LOC128092253: variants seen among roughly 807,000 people sequenced by gnomAD.
At chr6:133,962,688 T>G in the LOC128092253 span, among the ~76,000 whole-genome samples, 235 of 152,324 alleles carry the variant, frequency 1.5e-3, 1 homozygote, top group African/African-American at 5.5e-3. Context: ...AGATAGCAAC[T>G]GAGGCCTGAA....
chr6:133,965,102 G>A, the LOC128092253 span, among the ~76,000 whole-genome samples: 1 of 152,096 alleles, frequency 6.6e-6, no homozygotes, highest in Admixed American at 6.6e-5. Context: ...AGCTACCCTA[G>A]TGAATTAACA....
chr6:133,973,790 T>C, the LOC128092253 span, among the ~76,000 whole-genome samples: 2 of 152,156 alleles, frequency 1.3e-5, no homozygotes, highest in Non-Finnish European at 2.9e-5. Context: ...TTTGCTTTTT[T>C]TATGAGAAGA....
At chr6:133,955,538 G>A in the LOC128092253 span, among the ~76,000 whole-genome samples, 2 of 152,078 alleles carry the variant, frequency 1.3e-5, no homozygotes, top group South Asian at 4.2e-4. Context: ...GAAAATTGGA[G>A]TGGTCATGTT....
At chr6:133,966,666 C>G in the LOC128092253 span, among the ~76,000 whole-genome samples, 7 of 152,278 alleles carry the variant, frequency 4.6e-5, no homozygotes, top group South Asian at 1.4e-3. Flanking sequence ...GCCCTTTCTC[C>G]AGTGTTTCCT....
the LOC128092253 span, among the ~76,000 whole-genome samples, chr6:133,962,079 A>G: frequency 2.0e-5 from 3 of 152,274 alleles, no homozygotes; most frequent in African/African-American, 4.8e-5. Flanking sequence ...TTAGGCAGCT[A>G]TAAAACCGCG....
At chr6:133,971,146 CT>C in the LOC128092253 span, among the ~76,000 whole-genome samples, 1,443 of 145,164 alleles carry the variant, frequency 9.9e-3, 21 homozygotes, top group African/African-American at 0.025. Context: ...GATGATAACA[CT>C]TTTTTTTTTT....
the LOC128092253 span, among the ~76,000 whole-genome samples, chr6:133,966,810 A>G: frequency 0.039 from 3,367 of 87,268 alleles, 58 homozygotes; most frequent in South Asian, 0.095. Context: ...ACTACTTTGC[A>G]TTTTCAAACC....
At chr6:133,959,024 C>T in the LOC128092253 span, among the ~76,000 whole-genome samples, 16 of 152,054 alleles carry the variant, frequency 1.1e-4, no homozygotes, top group Non-Finnish European at 2.1e-4. Context: ...TTTAGATACC[C>T]TGAGGACTGT....
the LOC128092253 span, among the ~76,000 whole-genome samples, chr6:133,955,332 C>A: frequency 2.6e-5 from 4 of 151,260 alleles, no homozygotes; most frequent in Middle Eastern, 6.8e-3. Flanking sequence ...TGCTCTCCTC[C>A]GCCCCAATAC....
the LOC128092253 span, among the ~76,000 whole-genome samples, chr6:133,963,134 T>A: frequency 6.6e-6 from 1 of 152,148 alleles, no homozygotes; most frequent in African/African-American, 2.4e-5. Flanking sequence ...AAGCATGAAG[T>A]GGAGTTTGGG....
the LOC128092253 span, among the ~76,000 whole-genome samples, chr6:133,978,559 C>T: frequency 6.6e-6 from 1 of 152,098 alleles, no homozygotes; most frequent in Non-Finnish European, 1.5e-5. Flanking sequence ...CTGCCTCACT[C>T]CTCATACGTA....
the LOC128092253 span, among the ~76,000 whole-genome samples, chr6:133,955,778 T>C: frequency 6.6e-6 from 1 of 152,236 alleles, no homozygotes; most frequent in Admixed American, 6.5e-5. Flanking sequence ...TAGATTTTCA[T>C]GATTCTTATT....
At chr6:133,976,542 A>C in the LOC128092253 span, among the ~76,000 whole-genome samples, 135 of 152,222 alleles carry the variant, frequency 8.9e-4, no homozygotes, top group African/African-American at 3.1e-3. Flanking sequence ...TCTTGTTTTA[A>C]TTTAAACAAA....
the LOC128092253 span, among the ~76,000 whole-genome samples, chr6:133,977,103 C>T: frequency 5.9e-5 from 9 of 152,026 alleles, no homozygotes; most frequent in African/African-American, 2.2e-4. Context: ...CAGTTCTGTG[C>T]TCTCGTTCTA....
chr6:133,963,064 G>A, the LOC128092253 span, among the ~76,000 whole-genome samples: 2 of 152,222 alleles, frequency 1.3e-5, no homozygotes. Flanking sequence ...TCAGCAATGA[G>A]CCATTCATTT....
chr6:133,971,763 T>G, the LOC128092253 span, among the ~76,000 whole-genome samples: 1 of 152,188 alleles, frequency 6.6e-6, no homozygotes, highest in African/African-American at 2.4e-5. Flanking sequence ...GGTGTTTTGC[T>G]TATTTTTTAA....
the LOC128092253 span, among the ~76,000 whole-genome samples, chr6:133,966,957 GCTT>G: frequency 6.6e-6 from 1 of 152,290 alleles, no homozygotes; most frequent in Admixed American, 6.5e-5. Flanking sequence ...GTCAGTTCTT[GCTT>G]CTTTTTTAGC....
chr6:133,974,575 C>T, the LOC128092253 span, among the ~76,000 whole-genome samples: 6 of 152,380 alleles, frequency 3.9e-5, no homozygotes, highest in East Asian at 1.2e-3. Flanking sequence ...GATCCACTCA[C>T]CTTGCCCTCC....
the LOC128092253 span, among the ~76,000 whole-genome samples, chr6:133,979,727 A>C: frequency 1.3e-5 from 2 of 151,720 alleles, no homozygotes; most frequent in Non-Finnish European, 2.9e-5. Flanking sequence ...GCTCACTGCA[A>C]CCTCCGCCTC....
Sources: gnomAD v4.1 joint callset for allele counts (sites outside exome capture counted in the v4.1 genomes callset) on GRCh38, gnomAD v4.1.1 for gene constraint, MANE v1.5 for transcripts.